OR2L13: variants seen among roughly 807,000 people sequenced by gnomAD.
OR2L13 encodes olfactory receptor family 2 subfamily L member 13.
OR2L13 carries 14 observed loss-of-function variants against 15.3 expected under a neutral mutation model. The observed-to-expected ratio is 0.91, with a 90% confidence interval of 0.60 to 1.43. OR2L13 has a LOEUF of 1.43. Among genes scored for constraint, OR2L13 ranks in the 40% most tolerant of loss-of-function variants. The pLI, the probability that OR2L13 is intolerant of heterozygous loss-of-function variation, is 0.00. For missense variants in OR2L13, 367 were observed against 387.9 expected (o/e 0.95, Z 0.45); for synonymous variants, 152 against 142.9 (o/e 1.06, Z -0.45).
chr1:247,946,334 G>A, the OR2L13 span, among the ~76,000 whole-genome samples: 1 of 151,802 alleles, frequency 6.6e-6, no homozygotes, highest in African/African-American at 2.4e-5. Flanking sequence ...TTATTTAATT[G>A]CTTTGACTGA....
At chr1:248,040,422 A>G in the OR2L13 span, 1 of 152,172 alleles carries the variant, frequency 6.6e-6, no homozygotes, top group Non-Finnish European at 1.5e-5. Flanking sequence ...CTTGAGCAAC[A>G]CAGATTTGAA....
chr1:247,975,368 C>T, the OR2L13 span: 3 of 605,600 alleles, frequency 5.0e-6, no homozygotes, highest in African/African-American at 1.9e-5. Flanking sequence ...ATTGCATGTT[C>T]CTATGGTGAG....
chr1:248,096,657 A>G (rs917439732), upstream of OR2L13, among the ~76,000 whole-genome samples: 3 of 152,142 alleles, frequency 2.0e-5, no homozygotes, highest in East Asian at 1.9e-4. Context: ...GTCTATGACT[A>G]TTTGCTATTG....
At chr1:248,094,882 G>A (rs371520643), upstream of OR2L13, among the ~76,000 whole-genome samples, 6 of 152,162 alleles carry the variant, frequency 3.9e-5, no homozygotes, top group Non-Finnish European at 8.8e-5. Flanking sequence ...CTTACATGAT[G>A]ACAGAATTTC....
the OR2L13 span, among the ~76,000 whole-genome samples, chr1:247,986,885 T>C: frequency 6.6e-6 from 1 of 152,104 alleles, no homozygotes. Context: ...TAAGTAACTT[T>C]GGATATTATT....
the OR2L13 span, among the ~76,000 whole-genome samples, chr1:248,082,112 A>G: frequency 6.7e-6 from 1 of 148,366 alleles, no homozygotes; most frequent in Non-Finnish European, 1.5e-5. Context: ...ACAATGATAG[A>G]CTGGATTAAG....
chr1:248,081,193 C>A, the OR2L13 span, among the ~76,000 whole-genome samples: 3 of 152,080 alleles, frequency 2.0e-5, no homozygotes, highest in Non-Finnish European at 4.4e-5. Context: ...GTAGAAACAT[C>A]TGCAAATTGA....
the OR2L13 span, among the ~76,000 whole-genome samples, chr1:248,026,941 A>G: frequency 7.9e-5 from 12 of 152,240 alleles, no homozygotes; most frequent in African/African-American, 2.9e-4. Flanking sequence ...AAATCTGGGC[A>G]CCTTGAAAAA....
chr1:247,962,382 T>G, the OR2L13 span, among the ~76,000 whole-genome samples: 2 of 152,124 alleles, frequency 1.3e-5, no homozygotes, highest in African/African-American at 4.8e-5. Flanking sequence ...GAAGAAAGTA[T>G]TGACTCCAGG....
the OR2L13 span, among the ~76,000 whole-genome samples, chr1:247,985,739 G>C: frequency 1.5e-4 from 23 of 150,890 alleles, no homozygotes; most frequent in African/African-American, 4.4e-4. Context: ...GTGTAAAAAT[G>C]TTTCTATTTC....
At chr1:247,992,129 A>G in the OR2L13 span, among the ~76,000 whole-genome samples, 1 of 149,200 alleles carries the variant, frequency 6.7e-6, no homozygotes, top group Admixed American at 6.6e-5. Context: ...AGCCTACTCA[A>G]TGTAAAGGCA....
upstream of OR2L13, among the ~76,000 whole-genome samples, chr1:248,095,606 G>GATTTTTTTTTT (rs1476154907): frequency 3.0e-4 from 2 of 6,628 alleles, no homozygotes; most frequent in Non-Finnish European, 4.9e-4. Flanking sequence ...TAAAGCTGCT[G>GATTTTTTTTTT]CTTTTTTTTT....
chr1:248,046,686 A>T, the OR2L13 span: 1 of 151,954 alleles, frequency 6.6e-6, no homozygotes, highest in Non-Finnish European at 1.5e-5. Flanking sequence ...TGTTAATCTC[A>T]TTCTCCAGGT....
chr1:248,021,700 GTATA>G, the OR2L13 span, among the ~76,000 whole-genome samples: 1 of 152,144 alleles, frequency 6.6e-6, no homozygotes, highest in Non-Finnish European at 1.5e-5. Flanking sequence ...TTTTATTAGA[GTATA>G]TAGTTATAAT....
the OR2L13 span, chr1:248,023,568 C>A: frequency 6.6e-6 from 1 of 152,316 alleles, no homozygotes; most frequent in East Asian, 1.9e-4. Context: ...CACGGGTATT[C>A]TCATGCAAGA....
At chr1:248,059,505 G>T in the OR2L13 span, among the ~76,000 whole-genome samples, 1 of 152,120 alleles carries the variant, frequency 6.6e-6, no homozygotes. Context: ...TTTAACTAGA[G>T]AATTTTGAAA....
the OR2L13 span, among the ~76,000 whole-genome samples, chr1:248,006,172 C>G: frequency 0.019 from 2,859 of 151,994 alleles, 39 homozygotes; most frequent in Middle Eastern, 0.037. Context: ...TCTATCATTA[C>G]TACCAATCTG....
the OR2L13 span, among the ~76,000 whole-genome samples, chr1:248,083,059 CTGTGGAA>C: frequency 1.3e-5 from 2 of 152,112 alleles, no homozygotes; most frequent in African/African-American, 4.8e-5. Context: ...TAAAAACAGA[CTGTGGAA>C]TAAATACAAA....
At chr1:248,078,536 G>A in the OR2L13 span, among the ~76,000 whole-genome samples, 5 of 151,950 alleles carry the variant, frequency 3.3e-5, no homozygotes, top group East Asian at 7.7e-4. Flanking sequence ...AAAAGGGGCA[G>A]TATTTTATGC....
Sources: allele counts gnomAD v4.1 joint callset (sites outside exome capture counted in the v4.1 genomes callset), GRCh38; gene constraint gnomAD v4.1.1; transcripts MANE v1.5; gene names NCBI Gene and HGNC (gene_info 2026-07-23, HGNC 2026-07-21).